Variants in GALC observed in about 807,000 individuals in gnomAD.
The protein encoded by GALC is galactosylceramidase.
In GALC, 77 loss-of-function variants were observed where a neutral mutation model predicts 91.8. The ratio of observed to expected loss-of-function variants is 0.84; its 90% CI spans 0.70 to 1.01. GALC has a LOEUF of 1.01. Ranked by LOEUF, GALC falls within the 50% of genes least tolerant of loss-of-function variation. The pLI, the probability that GALC is intolerant of heterozygous loss-of-function variation, is 0.00. For synonymous variants in GALC, 357 were observed against 306.7 expected (o/e 1.16, Z -1.71); for missense variants, 882 against 855.9 (o/e 1.03, Z -0.38).
At chr14:87,967,483 A>G (rs1566992408) in intron 8 of GALC, among the ~76,000 whole-genome samples, 1 of 152,206 alleles carries the variant, frequency 6.6e-6, no homozygotes, top group South Asian at 2.1e-4. Flanking sequence ...AGCAACCCAC[A>G]TTAACATCAC....
intron 7 of GALC, among the ~76,000 whole-genome samples, chr14:87,968,848 C>T (rs1886164638): frequency 6.6e-6 from 1 of 152,026 alleles, no homozygotes; most frequent in South Asian, 2.1e-4. Flanking sequence ...TAGAACACTC[C>T]AAGAGGAGAA....
chr14:87,946,620 C>CAAA lies in GALC; in HGVS notation c.1490-888_1490-887insTTT, dbSNP rs1555379258. Reference sequence around the variant, plus strand: ...CACAAAATATTGGTCTTGGTGCTGGCAGTTCTTCAATCTCATTATCTAGGC... The same window carrying CAAA: ...CACAAAATATTGGTCTTGGTGCTGGCAAAAGTTCTTCAATCTCATTATCTAGGC... On this transcript the variant is annotated intron_variant, in intron 13 of 16. Transcript: ENST00000261304. Among the ~76,000 whole-genome samples, 4 of 151,894 alleles carry CAAA rather than the reference C, an allele frequency of 2.6e-5. No homozygotes were observed. The East Asian group carries it at 7.8e-4, about 30-fold the overall frequency.
At chr14:87,950,055 C>A in intron 11 of GALC, 124 bp from the exon 12 acceptor site, 4 of 558,130 alleles carry the variant, frequency 7.2e-6, no homozygotes, top group South Asian at 4.8e-5. Flanking sequence ...AAGAGAAACA[C>A]CTCAAATATT....
At chr14:87,938,610 A>C (rs932351287) in intron 16 of GALC, among the ~76,000 whole-genome samples, 1 of 151,980 alleles carries the variant, frequency 6.6e-6, no homozygotes, top group African/African-American at 2.4e-5. Flanking sequence ...TTTTTTAAAA[A>C]ATTATATTCA....
At chr14:87,937,030 G>A (rs1035155167) in intron 16 of GALC, among the ~76,000 whole-genome samples, 32 of 151,342 alleles carry the variant, frequency 2.1e-4, no homozygotes, top group African/African-American at 7.8e-4. Flanking sequence ...AGACTTCAAA[G>A]TCCATTGTGC....
intron 11 of GALC, 55 bp downstream of exon 11, chr14:87,950,604 A>G: frequency 1.8e-6 from 2 of 1,120,706 alleles, no homozygotes; most frequent in Non-Finnish European, 2.7e-6. Context: ...GGCCTGTGAC[A>G]GAATATATAA....
chr14:87,960,850 T>A (rs1465941095), intron 10 of GALC, among the ~76,000 whole-genome samples: 1 of 152,148 alleles, frequency 6.6e-6, no homozygotes, highest in Non-Finnish European at 1.5e-5. Flanking sequence ...AATTTAAGAT[T>A]TAAAACTCTA....
chr14:87,985,069 A>G (rs1886913291), intron 4 of GALC, among the ~76,000 whole-genome samples: 1 of 152,224 alleles, frequency 6.6e-6, no homozygotes, highest in African/African-American at 2.4e-5. Flanking sequence ...ATCACTATAA[A>G]TGACAATGAC....
chr14:87,943,940 C>T (rs1884965467), intron 14 of GALC, among the ~76,000 whole-genome samples: 2 of 151,992 alleles, frequency 1.3e-5, no homozygotes, highest in South Asian at 4.1e-4. Context: ...AGAGTCACTG[C>T]ATCTTCCTGA....
At chr14:87,943,929 C>G (rs389253) in intron 14 of GALC, among the ~76,000 whole-genome samples, 148,483 of 152,040 alleles carry the variant, frequency 0.98, 72,584 homozygotes, top group Non-Finnish European at 1. Context: ...GGTAGCAGGA[C>G]AGAGTCACTG....
chr14:87,935,211 AC>A (rs1160055168), intron 16 of GALC, among the ~76,000 whole-genome samples: 2 of 152,160 alleles, frequency 1.3e-5, no homozygotes, highest in African/African-American at 4.8e-5. Flanking sequence ...TTAAAATTTA[AC>A]AAAAGTTATT....
At chr14:87,934,934 C>A in intron 16 of GALC, 56 bp from the exon 17 acceptor site, 1 of 1,336,150 alleles carries the variant, frequency 7.5e-7, no homozygotes, top group Non-Finnish European at 1.1e-6. Context: ...CCTCTGAAGT[C>A]TGTTTCTTGA....
At chr14:87,953,627 G>A in intron 10 of GALC, 1 of 1,609,794 alleles carries the variant, frequency 6.2e-7, no homozygotes. Flanking sequence ...ATTAAAAGAA[G>A]CTGCACCTCT....
At chr14:87,979,377 G>A (rs1221086312) in intron 6 of GALC, among the ~76,000 whole-genome samples, 11 of 152,026 alleles carry the variant, frequency 7.2e-5, no homozygotes, top group African/African-American at 2.4e-4. Context: ...AAATCTTGCT[G>A]GAAAAAAATG....
At chr14:87,966,109 AC>A (rs1176800296) in intron 8 of GALC, among the ~76,000 whole-genome samples, 1 of 152,210 alleles carries the variant, frequency 6.6e-6, no homozygotes, top group Non-Finnish European at 1.5e-5. Context: ...CTGGGTTTAA[AC>A]CATGGTTTCA....
chr14:87,947,292 G>A (rs775544350), intron 13 of GALC, among the ~76,000 whole-genome samples: 18 of 151,596 alleles, frequency 1.2e-4, no homozygotes, highest in Admixed American at 2.6e-4. Context: ...AAAAAAGCAC[G>A]GGATGGTATA....
intron 1 of GALC, chr14:87,992,441 C>T (rs752957580): frequency 1.6e-5 from 25 of 1,535,258 alleles, no homozygotes; most frequent in Admixed American, 1.2e-4. Context: ...GCGCTACCCT[C>T]TCTGGAGGAG....
intron 4 of GALC, among the ~76,000 whole-genome samples, chr14:87,985,177 T>C (rs1256014827): frequency 6.6e-6 from 1 of 151,846 alleles, no homozygotes; most frequent in Admixed American, 6.6e-5. Flanking sequence ...ATAAGAAGAG[T>C]AGAAAAGTAC....
intron 8 of GALC, among the ~76,000 whole-genome samples, chr14:87,967,843 G>T (rs957650826): frequency 6.6e-6 from 1 of 152,056 alleles, no homozygotes; most frequent in African/African-American, 2.4e-5. Context: ...ATATGTGTGT[G>T]CTTGACTATT....
Sources: gnomAD v4.1 joint callset for allele counts (sites outside exome capture counted in the v4.1 genomes callset) on GRCh38, gnomAD v4.1.1 for gene constraint, MANE v1.5 for transcripts, NCBI Gene and HGNC (gene_info 2026-07-23, HGNC 2026-07-21) for gene names.